PRLR: variants seen among roughly 807,000 people sequenced by gnomAD.
PRLR encodes prolactin receptor.
A neutral mutation model predicts 40.2 loss-of-function variants in PRLR; 13 were observed. The ratio of observed to expected loss-of-function variants is 0.32; its 90% CI spans 0.21 to 0.51. The LOEUF (loss-of-function observed/expected upper bound fraction) is 0.51. Among genes scored for constraint, PRLR ranks in the 20% least tolerant of loss-of-function variants. The pLI is 0.97. For synonymous variants in PRLR, 269 were observed against 278.7 expected (o/e 0.97, Z 0.35); for missense variants, 656 against 747.3 (o/e 0.88, Z 1.42).
chr5:35,141,235 TGA>T (rs1491107063), intron 1 of PRLR, among the ~76,000 whole-genome samples: 7 of 132,844 alleles, frequency 5.3e-5, no homozygotes, highest in African/African-American at 2.3e-4. Context: ...CCTTAATACC[TGA>T]AAAAAAAAAA....
chr5:35,117,651 T>C (rs1966571), intron 2 of PRLR, among the ~76,000 whole-genome samples: 35,794 of 152,026 alleles, frequency 0.24, 7,771 homozygotes, highest in African/African-American at 0.58. Context: ...GCCCAGAAAG[T>C]TGTGGCAAGA....
intron 1 of PRLR, among the ~76,000 whole-genome samples, chr5:35,139,170 T>C (rs758331702): frequency 2.6e-5 from 4 of 152,212 alleles, no homozygotes; most frequent in African/African-American, 4.8e-5. Context: ...AGTCTCACTC[T>C]GTCATCCAGG....
chr5:35,050,199 G>A (rs990723353), intron 8 of PRLR, among the ~76,000 whole-genome samples: 2 of 151,998 alleles, frequency 1.3e-5, no homozygotes, highest in African/African-American at 2.4e-5. Flanking sequence ...GCGCCCGGCC[G>A]GACAAAACTA....
intron 5 of PRLR, among the ~76,000 whole-genome samples, chr5:35,078,652 C>T (rs1377584882): frequency 1.3e-5 from 2 of 152,118 alleles, no homozygotes; most frequent in African/African-American, 4.8e-5. Flanking sequence ...GGTACCATTC[C>T]TTCTGAAACT....
intron 1 of PRLR, among the ~76,000 whole-genome samples, chr5:35,219,512 A>G (rs776924841): frequency 2.2e-4 from 33 of 152,218 alleles, no homozygotes; most frequent in Admixed American, 4.6e-4. Flanking sequence ...GCTTGCGATT[A>G]TATTAGCACT....
At chr5:35,157,964 A>G (rs1469730838) in intron 1 of PRLR, among the ~76,000 whole-genome samples, 1 of 152,182 alleles carries the variant, frequency 6.6e-6, no homozygotes, top group Non-Finnish European at 1.5e-5. Context: ...CATGGTATGA[A>G]GCTCCCTCTA....
intron 1 of PRLR, among the ~76,000 whole-genome samples, chr5:35,132,121 T>C (rs1006285031): frequency 6.6e-6 from 1 of 152,180 alleles, no homozygotes; most frequent in Non-Finnish European, 1.5e-5. Flanking sequence ...CTTATCTCTC[T>C]CAGGGTTTCT....
chr5:35,077,080 A>G (rs1324580177), intron 5 of PRLR, among the ~76,000 whole-genome samples: 1 of 152,216 alleles, frequency 6.6e-6, no homozygotes, highest in African/African-American at 2.4e-5. Flanking sequence ...GGTACCAGCC[A>G]CTGCAAAAAC....
rs536935322 is a variant in PRLR at position 35,163,033 on chromosome 5, C to T, written c.-105-44911G>A. ...TTCCCAGAAAACTCCAACCGACTTG[C>T]GCACTGGGAGGAATACACACTGGGG... is the stretch of plus-strand genomic sequence containing the variant. On this transcript the variant is annotated intron_variant, in intron 1 of 9. Coordinates refer to ENST00000618457, the MANE Select transcript of PRLR (RefSeq NM_000949.7). 4.6e-5 allele frequency among the ~76,000 whole-genome samples: 7 copies of T among 152,188 alleles called. No individual in the cohort carries two copies. The South Asian group carries it at 1.5e-3, about 32-fold the overall frequency.
chr5:35,182,333 G>A (rs910798487), intron 1 of PRLR, among the ~76,000 whole-genome samples: 1 of 152,154 alleles, frequency 6.6e-6, no homozygotes, highest in Non-Finnish European at 1.5e-5. Flanking sequence ...AAATTGTGAT[G>A]TAGCGTTCTA....
intron 1 of PRLR, among the ~76,000 whole-genome samples, chr5:35,224,878 T>C (rs918450465): frequency 2.0e-5 from 3 of 151,620 alleles, no homozygotes; most frequent in African/African-American, 7.3e-5. Flanking sequence ...AAAAATTATA[T>C]CTTTATTTCA....
chr5:35,136,693 G>A lies in PRLR; in HGVS notation c.-105-18571C>T, dbSNP rs139944440. On this transcript the variant is annotated intron_variant, in intron 1 of 9. Transcript: ENST00000618457. ...CCTGTCTCTGCTACTGACTACCTCC[G>A]CCCACCCTCAACCTCACCGGCTCCC... Among the ~76,000 whole-genome samples, 9 of 152,110 alleles carry A rather than the reference G, an allele frequency of 5.9e-5. No individual in the cohort carries two copies. The South Asian group carries it at 8.3e-4, about 14-fold the overall frequency.
chr5:35,065,529 T>C lies in PRLR; in HGVS notation c.1429A>G (p.Arg477Gly), dbSNP rs56255573. 6.4e-4 allele frequency: 1,030 copies of C among 1,614,014 alleles called. 1 individual carries two copies. Among genetic ancestry groups the C allele is most frequent in the Non-Finnish European group, 8.4e-4 (996 of 1,180,036 alleles). Residue 477 changes from arginine to glycine, a missense_variant, in exon 10 of 10, where the codon AGG becomes GGG. Around this residue, in one of 3 missense-constraint regions of PRLR, gnomAD observed 469 missense variants for 491.5 expected, o/e 0.95. Transcript: ENST00000618457. Reference protein sequence around the residue: ...SREEGKATQQREVESFHSETD... With the variant: ...SREEGKATQQGEVESFHSETD... Reference sequence around the variant, plus strand: ...TCAGAATGGAAGCTTTCTACCTCCCTCTGCTGGGTTGCCTTTCCCTCTTCT... The same window carrying C: ...TCAGAATGGAAGCTTTCTACCTCCCCCTGCTGGGTTGCCTTTCCCTCTTCT...
Position 35,066,037 on chromosome 5 carries a change from A to T in PRLR, c.921T>A (p.Tyr307Ter). ...CTAAATACTCCACCAGCAAGTCCTC[A>T]TAGTCAGAAGTGGGAGGAAAGTCTT... Reference protein sequence around the residue: ...GCQDFPPTSDYEDLLVEYLEV... With the variant: ...GCQDFPPTSD Residue 307 changes from tyrosine (Y) to a stop codon, truncating the protein, a stop_gained, in exon 10 of 10, where the codon TAT becomes TAA. Transcript: ENST00000618457. LOFTEE classifies it low-confidence loss of function (END_TRUNC). 1 of 1,614,132 alleles carries T rather than the reference A, an allele frequency of 6.2e-7. No individual in the cohort carries two copies. The highest frequency in any genetic ancestry group is 2.2e-5 in the East Asian group (1 of 44,882).
intron 1 of PRLR, among the ~76,000 whole-genome samples, chr5:35,214,876 C>G (rs775583092): frequency 3.0e-4 from 45 of 152,156 alleles, no homozygotes; most frequent in Non-Finnish European, 6.3e-4. Context: ...ACACAAATAA[C>G]AATGCCATCT....
At chr5:35,084,064 C>A (rs1770695144) in intron 5 of PRLR, among the ~76,000 whole-genome samples, 1 of 152,114 alleles carries the variant, frequency 6.6e-6, no homozygotes, top group Non-Finnish European at 1.5e-5. Context: ...GGTGCAGAAT[C>A]AGATGAACCC....
chr5:35,068,382 G>C, intron 8 of PRLR, 97 bp from the exon 9 acceptor site: 1 of 1,060,018 alleles, frequency 9.4e-7, no homozygotes, highest in Non-Finnish European at 1.5e-6. Flanking sequence ...CTGTGATAGA[G>C]ATAGGACTTG....
chr5:35,228,248 AAAAAAGC>A (rs1349509380), intron 1 of PRLR, among the ~76,000 whole-genome samples: 15 of 133,424 alleles, frequency 1.1e-4, no homozygotes, highest in South Asian at 2.8e-4. Context: ...AAAAAAAAAA[AAAAAAGC>A]AGCATTATTT....
At chr5:35,100,468 CTG>C (rs1209855416) in intron 2 of PRLR, among the ~76,000 whole-genome samples, 2 of 152,120 alleles carry the variant, frequency 1.3e-5, no homozygotes, top group African/African-American at 4.8e-5. Flanking sequence ...ATCTTTTATA[CTG>C]TGTTTTTACT....
Sources: gnomAD v4.1 joint callset for allele counts (sites outside exome capture counted in the v4.1 genomes callset) on GRCh38, gnomAD v4.1.1 for gene constraint, gnomAD v4.1.1 regional missense constraint, MANE v1.5 for transcripts, NCBI Gene and HGNC (gene_info 2026-07-23, HGNC 2026-07-21) for gene names.